Variants in SFMBT1 observed in about 807,000 individuals in gnomAD.
SFMBT1 encodes the protein Scm like with four mbt domains 1.
SFMBT1 carries 32 observed loss-of-function variants against 108.7 expected under a neutral mutation model. The observed-to-expected ratio is 0.29, with a 90% CI of 0.22 to 0.40. The LOEUF (loss-of-function observed/expected upper bound fraction) is 0.40. Among genes scored for constraint, SFMBT1 ranks in the 10% least tolerant of loss-of-function variants. SFMBT1 has a pLI of 1.00. For synonymous variants in SFMBT1, 348 were observed against 369.5 expected, an observed-to-expected ratio of 0.94 and a Z score of 0.67; for missense variants, 816 against 1,059.6, an observed-to-expected ratio of 0.77 and a Z score of 3.19.
intron 1 of SFMBT1, among the ~76,000 whole-genome samples, chr3:52,972,338 G>A (rs1575411627): frequency 6.6e-6 from 1 of 152,170 alleles, no homozygotes; most frequent in South Asian, 2.1e-4. Context: ...TTTAGCCAAT[G>A]AGCAATCAGT....
rs551575042 is a variant in SFMBT1, at chr3:52,966,515, C to A, written c.28+2586G>T. On this transcript the variant is annotated intron_variant, in intron 2 of 20. Coordinates refer to ENST00000394752, the MANE Select transcript of SFMBT1 (RefSeq NM_016329.4). Reference sequence around the variant, plus strand: ...TGGTGGGCGCCTGTAGTCCCAGATACTTGGGAGGCTGAGGCAGGAGAATGG... The same window carrying A: ...TGGTGGGCGCCTGTAGTCCCAGATAATTGGGAGGCTGAGGCAGGAGAATGG... Among the ~76,000 whole-genome samples, 14 of 146,978 alleles carry A rather than the reference C, an allele frequency of 9.5e-5. No homozygotes were observed. In the East Asian group the frequency reaches 2.8e-3, roughly 30 times the overall value.
intron 1 of SFMBT1, among the ~76,000 whole-genome samples, chr3:53,019,387 G>GT (rs1025799253): frequency 5.1e-5 from 3 of 59,332 alleles, no homozygotes; most frequent in Non-Finnish European, 1.3e-4. Flanking sequence ...GTGTGTGTGT[G>GT]GGGGGGGTAT....
At chr3:52,983,218 A>C (rs2106881732) in intron 1 of SFMBT1, among the ~76,000 whole-genome samples, 1 of 152,316 alleles carries the variant, frequency 6.6e-6, no homozygotes, top group South Asian at 2.1e-4. Flanking sequence ...ACAAGGATGA[A>C]GACCTTTATG....
At chr3:52,911,709 G>A (rs1399413776) in intron 16 of SFMBT1, among the ~76,000 whole-genome samples, 1 of 151,994 alleles carries the variant, frequency 6.6e-6, no homozygotes, top group Admixed American at 6.6e-5. Context: ...TTTCCTTTTT[G>A]TTTTTGAGAT....
intron 4 of SFMBT1, among the ~76,000 whole-genome samples, chr3:52,935,592 T>C (rs1186261566): frequency 1.3e-5 from 2 of 152,214 alleles, no homozygotes; most frequent in Non-Finnish European, 2.9e-5. Flanking sequence ...TTCATCCATA[T>C]ATATATTTTA....
chr3:52,949,235 G>A (rs982199445), intron 3 of SFMBT1, among the ~76,000 whole-genome samples: 1 of 152,030 alleles, frequency 6.6e-6, no homozygotes, highest in East Asian at 1.9e-4. Flanking sequence ...GCCTGGGTGT[G>A]GTCTATCTTT....
intron 4 of SFMBT1, among the ~76,000 whole-genome samples, chr3:52,936,057 CA>C (rs1702997497): frequency 6.6e-6 from 1 of 152,176 alleles, no homozygotes; most frequent in South Asian, 2.1e-4. Context: ...AAGAATACTT[CA>C]CAAGTGGAAT....
At chr3:52,933,542 G>T (rs1049060755) in intron 5 of SFMBT1, among the ~76,000 whole-genome samples, 2 of 152,150 alleles carry the variant, frequency 1.3e-5, no homozygotes, top group Non-Finnish European at 2.9e-5. Flanking sequence ...AAAAGTGGAG[G>T]AAAAGATTTA....
rs547640148 is a variant in SFMBT1 at position 52,916,719 on chromosome 3, A to T, written c.1416-505T>A. 4.3e-4 allele frequency among the ~76,000 whole-genome samples: 65 copies of T among 152,146 alleles called. 1 individual carries two copies. The South Asian group carries it at 0.013, about 31-fold the overall frequency. ...AACAACAACAACAAAAAACTACAAC[A>T]ACAAAAAAGAACAATTGTTTTTAAA... On this transcript the variant is annotated intron_variant, in intron 13 of 20. Transcript: ENST00000394752.
At chr3:52,961,162 A>T (rs1398385014) in intron 2 of SFMBT1, among the ~76,000 whole-genome samples, 1 of 151,770 alleles carries the variant, frequency 6.6e-6, no homozygotes, top group Non-Finnish European at 1.5e-5. Flanking sequence ...ATACTACAAC[A>T]TTGATAAACA....
chr3:53,000,629 G>T lies in SFMBT1; in HGVS notation c.-130-31371C>A, dbSNP rs1040900643. Among the ~76,000 whole-genome samples the T allele has an allele frequency of 5.9e-4, 89 of 149,926 alleles. 3 individuals carry two copies. The highest frequency in any genetic ancestry group is 2.1e-3 in the African/African-American group (87 of 41,228). On this transcript the variant is annotated intron_variant, in intron 1 of 20. Transcript: ENST00000394752. ...AAAAGACAAAGAGAGAAAGCAAACA[G>T]TGATTCTAGGTGAAAGACAAAGTGA...
intron 1 of SFMBT1, among the ~76,000 whole-genome samples, chr3:53,038,702 T>A (rs1384379089): frequency 6.6e-6 from 1 of 152,226 alleles, no homozygotes; most frequent in Non-Finnish European, 1.5e-5. Flanking sequence ...ATTAAAGTGA[T>A]ACAGCAAATC....
intron 1 of SFMBT1, among the ~76,000 whole-genome samples, chr3:52,995,274 C>G (rs77489783): frequency 6.0e-5 from 9 of 150,306 alleles, no homozygotes; most frequent in African/African-American, 2.2e-4. Context: ...CTCAACCTTA[C>G]CTCATACCAT....
intron 1 of SFMBT1, among the ~76,000 whole-genome samples, chr3:53,041,006 A>T (rs1343287288): frequency 1.9e-4 from 6 of 32,096 alleles, no homozygotes; most frequent in South Asian, 8.4e-4. Context: ...TTTTTTTTGT[A>T]GAGACAGGGC....
chr3:52,975,819 C>A (rs1704499723), intron 1 of SFMBT1, among the ~76,000 whole-genome samples: 1 of 152,082 alleles, frequency 6.6e-6, no homozygotes, highest in Non-Finnish European at 1.5e-5. Flanking sequence ...CCAGGCTGGT[C>A]TCGAACTCCT....
At position 53,027,994 on chromosome 3, in the gene SFMBT1, C is replaced by T. The variant is rs565584759; in HGVS notation, c.-131+17822G>A. 2.2e-3 allele frequency among the ~76,000 whole-genome samples: 342 copies of T among 152,288 alleles called. 1 individual carries two copies. Among genetic ancestry groups the T allele is most frequent in the Non-Finnish European group, 3.9e-3 (262 of 68,030 alleles). On this transcript the variant is annotated intron_variant, in intron 1 of 20. Transcript: ENST00000394752. ...TAAATGGGTTAAACTTTGGATAGTC[C>T]AACTTGCCAGGTTACCCCATTGTTT...
At chr3:52,950,675 T>C (rs1355386632) in intron 3 of SFMBT1, among the ~76,000 whole-genome samples, 3 of 152,268 alleles carry the variant, frequency 2.0e-5, no homozygotes, top group South Asian at 2.1e-4. Flanking sequence ...GGTTTCACCA[T>C]GTCGGCCAGG....
chr3:52,928,611 T>TATATACATATATATACATATATATAC (rs1702741388), intron 8 of SFMBT1: 4 of 59,496 alleles, frequency 6.7e-5, no homozygotes, highest in African/African-American at 1.4e-4. Context: ...CATATATACA[T>TATATACATATATATACATATATATAC]ATATATACAT....
At chr3:53,032,616 T>C (rs1433796936) in intron 1 of SFMBT1, among the ~76,000 whole-genome samples, 1 of 152,192 alleles carries the variant, frequency 6.6e-6, no homozygotes, top group Non-Finnish European at 1.5e-5. Flanking sequence ...CATTTTCAAA[T>C]AGGAATAACA....
Sources: allele counts gnomAD v4.1 joint callset (sites outside exome capture counted in the v4.1 genomes callset), GRCh38; gene constraint gnomAD v4.1.1; transcripts MANE v1.5; gene names NCBI Gene and HGNC (gene_info 2026-07-23, HGNC 2026-07-21).